Variants in FOCAD observed in about 807,000 individuals in gnomAD.
FOCAD encodes the protein focadhesin, also known as KIAA1797.
FOCAD carries 198 observed loss-of-function variants against 225.6 expected under a neutral mutation model. The observed-to-expected ratio is 0.88, with a 90% CI of 0.78 to 0.99. The LOEUF (loss-of-function observed/expected upper bound fraction) is 0.99, where lower values mean the gene tolerates loss of function less well. Among genes scored for constraint, FOCAD ranks in the 50% least tolerant of loss-of-function variants. The pLI, the probability that FOCAD is intolerant of heterozygous loss-of-function variation, is 0.00. For missense variants in FOCAD, 2,713 were observed against 2,123.6 expected (o/e 1.28, Z -5.46); for synonymous variants, 897 against 755.0 (o/e 1.19, Z -3.08).
At chr9:20,680,278 G>T (rs1217787025), upstream of FOCAD, among the ~76,000 whole-genome samples, 1 of 152,148 alleles carries the variant, frequency 6.6e-6, no homozygotes, top group East Asian at 1.9e-4. Flanking sequence ...TGTTGTTATT[G>T]TCCGGGTGCG....
intron 8 of FOCAD, among the ~76,000 whole-genome samples, chr9:20,773,099 A>T (rs1818400048): frequency 1.3e-5 from 2 of 152,086 alleles, no homozygotes; most frequent in Non-Finnish European, 2.9e-5. Flanking sequence ...TAAAACCCAT[A>T]TTTTTCCTGG....
chr9:20,876,238 T>C lies in FOCAD; in HGVS notation c.2317+1431T>C, dbSNP rs969766553. 1.5e-4 allele frequency among the ~76,000 whole-genome samples: 23 copies of C among 152,248 alleles called. No homozygotes were observed. The South Asian group carries it at 4.4e-3, about 29-fold the overall frequency. ...CTTCTGTTCTTCCCCACTTCCTACC[T>C]CTTAGCTTTTCAGAGTCTAAGGCCT... On this transcript the variant is annotated intron_variant, in intron 19 of 43. Coordinates refer to ENST00000338382, the MANE Select transcript of FOCAD (RefSeq NM_001375567.1).
chr9:20,933,714 C>G (rs1374964843), intron 28 of FOCAD, among the ~76,000 whole-genome samples: 1 of 152,072 alleles, frequency 6.6e-6, no homozygotes, highest in African/African-American at 2.4e-5. Context: ...GACTTCTTTT[C>G]CTGTGAGTAC....
intron 16 of FOCAD, chr9:20,863,502 C>T (rs1828961158): frequency 6.6e-6 from 1 of 152,134 alleles, no homozygotes; most frequent in South Asian, 2.1e-4. Context: ...TTTATCCTTA[C>T]TGGGCTATAC....
intron 26 of FOCAD, 89 bp downstream of exon 26, chr9:20,926,506 A>C: frequency 1.2e-6 from 1 of 836,932 alleles, no homozygotes; most frequent in East Asian, 2.5e-5. Flanking sequence ...TATATAGGCC[A>C]GGCGCGGTGG....
At chr9:20,742,254 C>T (rs886395809) in intron 5 of FOCAD, among the ~76,000 whole-genome samples, 23 of 152,172 alleles carry the variant, frequency 1.5e-4, no homozygotes, top group Non-Finnish European at 5.9e-5. Flanking sequence ...TCCGAATCTC[C>T]GCCATGAGGC....
At chr9:20,941,310 G>C (rs7045808) in intron 28 of FOCAD, among the ~76,000 whole-genome samples, 96,030 of 152,068 alleles carry the variant, frequency 0.63, 30,821 homozygotes, top group South Asian at 0.7. Flanking sequence ...CCTCACAGCC[G>C]TAACTGTAGT....
intron 21 of FOCAD, among the ~76,000 whole-genome samples, chr9:20,885,945 T>C (rs553913786): frequency 6.6e-6 from 1 of 152,332 alleles, no homozygotes; most frequent in South Asian, 2.1e-4. Flanking sequence ...TAAGTAAAAA[T>C]ATATGAATTG....
chr9:20,777,727 G>T (rs1009983554), intron 8 of FOCAD, among the ~76,000 whole-genome samples: 3 of 151,946 alleles, frequency 2.0e-5, no homozygotes, highest in East Asian at 1.9e-4. Context: ...TCTGTATTAG[G>T]TAAGCAGAAA....
intron 5 of FOCAD, among the ~76,000 whole-genome samples, chr9:20,743,821 T>C (rs563672586): frequency 1.3e-5 from 2 of 152,280 alleles, no homozygotes; most frequent in South Asian, 4.1e-4. Flanking sequence ...TCTGGGAGCT[T>C]GATGGTTCCA....
chr9:20,821,170 A>G, intron 14 of FOCAD, 99 bp downstream of exon 14: 1 of 1,102,164 alleles, frequency 9.1e-7, no homozygotes, highest in East Asian at 2.8e-5. Flanking sequence ...TAGGCAGAGG[A>G]TATATAAGTA....
intron 2 of FOCAD, among the ~76,000 whole-genome samples, chr9:20,668,165 A>C (rs1356318659): frequency 6.6e-6 from 1 of 152,216 alleles, no homozygotes; most frequent in Non-Finnish European, 1.5e-5. Flanking sequence ...TGAAGTGTGA[A>C]ATTGTAATGA....
intron 1 of FOCAD, among the ~76,000 whole-genome samples, chr9:20,708,517 C>G (rs1824571269): frequency 6.6e-6 from 1 of 152,034 alleles, no homozygotes; most frequent in Admixed American, 6.6e-5. Flanking sequence ...TGTAGTAATC[C>G]CAGTGCTTTG....
At chr9:20,983,545 C>G (rs1840898724) in intron 39 of FOCAD, among the ~76,000 whole-genome samples, 2 of 141,334 alleles carry the variant, frequency 1.4e-5, no homozygotes. Context: ...GTACTCCAGC[C>G]TGGTGACAGA....
intron 25 of FOCAD, among the ~76,000 whole-genome samples, chr9:20,924,646 T>A (rs1017432140): frequency 7.2e-5 from 11 of 152,184 alleles, no homozygotes; most frequent in Non-Finnish European, 1.5e-5. Context: ...TCTTTTTTTG[T>A]TGTTGTGGGT....
chr9:20,948,752 C>T, intron 31 of FOCAD, 99 bp from the exon 32 acceptor site: 5 of 1,301,816 alleles, frequency 3.8e-6, no homozygotes, highest in East Asian at 2.4e-5. Flanking sequence ...AAGTTTGGTA[C>T]CAATTCGACC....
At chr9:20,940,526 C>G (rs1836542224) in intron 28 of FOCAD, among the ~76,000 whole-genome samples, 1 of 152,044 alleles carries the variant, frequency 6.6e-6, no homozygotes, top group African/African-American at 2.4e-5. Context: ...CTCGAGTAAT[C>G]CTCCCAACCC....
At chr9:20,915,169 A>G (rs114062682) in intron 23 of FOCAD, among the ~76,000 whole-genome samples, 74 of 152,272 alleles carry the variant, frequency 4.9e-4, no homozygotes, top group African/African-American at 1.5e-3. Flanking sequence ...TGACTAGTCT[A>G]TAGTTCCAGG....
intron 21 of FOCAD, among the ~76,000 whole-genome samples, chr9:20,903,357 G>A (rs1204440899): frequency 1.3e-5 from 2 of 151,958 alleles, no homozygotes; most frequent in Non-Finnish European, 2.9e-5. Context: ...ATAAAGCTCT[G>A]TCTGAGCTGC....
Sources: gnomAD v4.1 joint callset for allele counts (sites outside exome capture counted in the v4.1 genomes callset) on GRCh38, gnomAD v4.1.1 for gene constraint, MANE v1.5 for transcripts, NCBI Gene and HGNC (gene_info 2026-07-23, HGNC 2026-07-21) for gene names.